The following RPAP2 variants were observed in gnomAD, a reference collection of about 807,000 sequenced individuals.
The protein encoded by RPAP2 is RNA polymerase II associated protein 2, also known as putative RNA polymerase II subunit B1 CTD phosphatase RPAP2.
In RPAP2, 52 loss-of-function variants were observed where a neutral mutation model predicts 73.1. The ratio of observed to expected loss-of-function variants is 0.71; its 90% CI spans 0.57 to 0.90. RPAP2 has a LOEUF of 0.90. RPAP2 is among the 40% of genes least tolerant of loss of function. The pLI is 0.00. For synonymous variants in RPAP2, 225 were observed against 242.1 expected (o/e 0.93, Z 0.65); for missense variants, 598 against 701.8 (o/e 0.85, Z 1.67).
chr1:92,318,821 T>G (rs375603376), intron 6 of RPAP2, among the ~76,000 whole-genome samples: 1 of 152,162 alleles, frequency 6.6e-6, no homozygotes, highest in Non-Finnish European at 1.5e-5. Flanking sequence ...AGTCTTATAG[T>G]AATTGGTGAT....
chr1:92,348,457 A>C (rs1654028747), intron 11 of RPAP2, among the ~76,000 whole-genome samples: 1 of 152,020 alleles, frequency 6.6e-6, no homozygotes, highest in Admixed American at 6.5e-5. Flanking sequence ...GATAATTCTA[A>C]CTTTTGCTCT....
chr1:92,325,478 A>G (rs1287900954), intron 8 of RPAP2, among the ~76,000 whole-genome samples: 4 of 152,148 alleles, frequency 2.6e-5, no homozygotes, highest in African/African-American at 4.8e-5. Flanking sequence ...CTACCATAGA[A>G]CATCACTTAT....
At chr1:92,359,356 G>C (rs1654627994) in intron 11 of RPAP2, among the ~76,000 whole-genome samples, 1 of 152,198 alleles carries the variant, frequency 6.6e-6, no homozygotes, top group African/African-American at 2.4e-5. Context: ...TTACGCTCTT[G>C]TTGCCCAAGC....
At chr1:92,330,439 ATTTTTTTTTT>A (rs35101382) in intron 8 of RPAP2, among the ~76,000 whole-genome samples, 28 of 61,452 alleles carry the variant, frequency 4.6e-4, no homozygotes, top group Admixed American at 1.2e-3. Context: ...TGGGTTGTCA[ATTTTTTTTTT>A]TTTTTTTTTT....
chr1:92,309,468 C>T (rs1272950018), intron 6 of RPAP2, among the ~76,000 whole-genome samples: 2 of 151,662 alleles, frequency 1.3e-5, no homozygotes, highest in African/African-American at 4.8e-5. Context: ...CTTTGTTTCT[C>T]TAATCTAAAT....
intron 12 of RPAP2, among the ~76,000 whole-genome samples, 193 bp from the exon 13 acceptor site, chr1:92,386,818 A>T (rs1655880650): frequency 6.6e-6 from 1 of 152,086 alleles, no homozygotes; most frequent in African/African-American, 2.4e-5. Flanking sequence ...CTTCTGCCTC[A>T]TCCTTCCGAG....
intron 6 of RPAP2, among the ~76,000 whole-genome samples, chr1:92,311,321 T>C (rs1006708509): frequency 3.3e-5 from 5 of 152,212 alleles, no homozygotes; most frequent in Non-Finnish European, 5.9e-5. Flanking sequence ...ATTGCTACTA[T>C]AGAGAAAGTT....
intron 6 of RPAP2, among the ~76,000 whole-genome samples, chr1:92,308,350 G>A (rs1476007790): frequency 1.3e-5 from 2 of 152,172 alleles, no homozygotes. Flanking sequence ...CTCTGGCATT[G>A]TTCGACATGA....
chr1:92,354,925 C>T (rs1654390056), intron 11 of RPAP2, among the ~76,000 whole-genome samples: 1 of 149,354 alleles, frequency 6.7e-6, no homozygotes, highest in Admixed American at 6.7e-5. Flanking sequence ...ATTATTGAGA[C>T]AGGTTCTCTG....
chr1:92,328,131 C>T (rs943244705), intron 8 of RPAP2, among the ~76,000 whole-genome samples: 7 of 152,216 alleles, frequency 4.6e-5, no homozygotes, highest in South Asian at 2.1e-4. Flanking sequence ...GACTATGTGC[C>T]GGGGCAATGA....
rs572145918 is a variant in RPAP2, at chr1:92,394,739, ATGT to A, written c.*7733_*7735del. 4.2e-4 allele frequency: 64 copies of A among 152,356 alleles called. No homozygotes were observed. The highest frequency in any genetic ancestry group is 1.4e-3 in the African/African-American group (59 of 41,586). The allele number at this position is 152,356 out of a possible 1,614,324, so 9.4% of individuals were successfully genotyped here. On this transcript the variant is annotated 3_prime_UTR_variant, in exon 13 of 13. Transcript: ENST00000610020. ...CCATGTTCATGAATTGGAAGATCAAATGTTGTTAAGATAGCAGTTCTCCCCAAA... is the reference window on the plus strand; with the variant it reads ...CCATGTTCATGAATTGGAAGATCAAATGTTAAGATAGCAGTTCTCCCCAAA...
At chr1:92,329,446 C>T (rs996201028) in intron 8 of RPAP2, among the ~76,000 whole-genome samples, 4 of 151,856 alleles carry the variant, frequency 2.6e-5, no homozygotes, top group African/African-American at 4.9e-5. Context: ...TCACTCCCAC[C>T]GTGCCCCCAC....
Position 92,397,410 on chromosome 1 carries a change from T to C in RPAP2, c.*10399T>C, listed in dbSNP as rs79777785. ...GTCTCAAAAATTAAAAATTAAAAAATGAGGGAAGCTGCTGTATCTCCACTT... is the reference window on the plus strand; with the variant it reads ...GTCTCAAAAATTAAAAATTAAAAAACGAGGGAAGCTGCTGTATCTCCACTT... On this transcript the variant is annotated 3_prime_UTR_variant, in exon 13 of 13. Transcript: ENST00000610020. 3 of 151,974 alleles carry C rather than the reference T, an allele frequency of 2.0e-5. No homozygotes were observed. The highest frequency in any genetic ancestry group is 2.1e-4 in the South Asian group (1 of 4,812). The allele number at this position is 151,974 out of a possible 1,614,324, so 9.4% of individuals were successfully genotyped here.
chr1:92,325,344 T>C (rs140644000), intron 8 of RPAP2, among the ~76,000 whole-genome samples: 4 of 152,100 alleles, frequency 2.6e-5, no homozygotes, highest in Non-Finnish European at 5.9e-5. Flanking sequence ...AGAAATATAT[T>C]TCTATAGAGT....
intron 12 of RPAP2, among the ~76,000 whole-genome samples, chr1:92,383,991 C>T (rs534017258): frequency 2.7e-5 from 4 of 147,660 alleles, no homozygotes; most frequent in Non-Finnish European, 4.4e-5. Context: ...GACGGAGTCT[C>T]GCTCTGTTGC....
chr1:92,344,366 C>T (rs964741550), intron 10 of RPAP2, among the ~76,000 whole-genome samples: 4 of 152,134 alleles, frequency 2.6e-5, no homozygotes, highest in Non-Finnish European at 1.5e-5. Context: ...GAGCATGCCA[C>T]TGCACTCCAG....
At chr1:92,365,648 T>A (rs1312416609) in intron 11 of RPAP2, among the ~76,000 whole-genome samples, 1 of 152,200 alleles carries the variant, frequency 6.6e-6, no homozygotes, top group East Asian at 1.9e-4. Context: ...GTTTGAAAGG[T>A]TCCTCTTGAC....
At chr1:92,303,023 A>C (rs1426541972) in intron 3 of RPAP2, among the ~76,000 whole-genome samples, 5 of 152,136 alleles carry the variant, frequency 3.3e-5, no homozygotes, top group African/African-American at 4.8e-5. Context: ...ACACAGCGAG[A>C]CCCTGTCTAA....
intron 3 of RPAP2, 95 bp from the exon 4 acceptor site, chr1:92,303,882 C>T (rs1029036998): frequency 1.4e-6 from 1 of 740,314 alleles, no homozygotes; most frequent in East Asian, 2.7e-5. Flanking sequence ...TATTGCTATC[C>T]CTGTGTTTTC....
Sources: allele counts gnomAD v4.1 joint callset (sites outside exome capture counted in the v4.1 genomes callset), GRCh38; gene constraint gnomAD v4.1.1; transcripts MANE v1.5; gene names NCBI Gene and HGNC (gene_info 2026-07-23, HGNC 2026-07-21).